NTSR1: variants seen among roughly 807,000 people sequenced by gnomAD.
The protein encoded by NTSR1 is neurotensin receptor 1, also known as neurotensin receptor type 1.
Under a neutral mutation model 31.2 loss-of-function variants are expected in NTSR1, and 29 were observed. The observed-to-expected ratio is 0.93, with a 90% confidence interval of 0.69 to 1.27. NTSR1 has a LOEUF of 1.27. NTSR1 is among the 50% of genes most tolerant of loss of function. NTSR1 has a pLI of 0.00. For missense variants in NTSR1, 697 were observed against 595.4 expected (o/e 1.17, Z -1.78); for synonymous variants, 282 against 269.9 (o/e 1.04, Z -0.44).
chr20:62,709,635 GCTA>G lies in NTSR1; in HGVS notation c.434_436del (p.Tyr145del), dbSNP rs773608941. ...GCCTTCGGCGACGCCGGCTGCCGCG[GCTA>G]CTACTTCCTGCGCGACGCCTGCACC... On this transcript the variant is annotated inframe_deletion, in exon 1 of 4. Transcript: ENST00000370501. 134 of 1,612,206 alleles carry G rather than the reference GCTA, an allele frequency of 8.3e-5. No homozygotes were observed. Among genetic ancestry groups the G allele is most frequent in the Admixed American group, 5.0e-5 (3 of 60,004 alleles).
At position 62,744,224 on chromosome 20, in the gene NTSR1, G is replaced by A. The variant is rs11907465; in HGVS notation, c.715-10461G>A. Among the ~76,000 whole-genome samples the A allele has an allele frequency of 0.11, 16,456 of 152,148 alleles. 2,032 individuals are homozygous for A. The highest frequency in any genetic ancestry group is 0.32 in the East Asian group (1,675 of 5,166). Reference sequence around the variant, plus strand: ...CAAGGGAGCACAGTCAGTGCTCCAGGAACTGAGGCAGCACCTCTAGGCTCG... The same window carrying A: ...CAAGGGAGCACAGTCAGTGCTCCAGAAACTGAGGCAGCACCTCTAGGCTCG... On this transcript the variant is annotated intron_variant, in intron 1 of 3. Transcript: ENST00000370501. This position sits in a 1 kb window ranked among gnomAD's most constrained non-coding sequence, Gnocchi z 4.1.
intron 1 of NTSR1, among the ~76,000 whole-genome samples, chr20:62,728,509 T>C (rs1171158767): frequency 1.3e-5 from 2 of 152,212 alleles, no homozygotes; most frequent in East Asian, 3.9e-4. Context: ...TTTCTAAAAA[T>C]GGCAGAAGTT....
At chr20:62,759,268 G>A (rs1177357003) in intron 3 of NTSR1, among the ~76,000 whole-genome samples, 3 of 152,198 alleles carry the variant, frequency 2.0e-5, no homozygotes, top group Non-Finnish European at 4.4e-5. Flanking sequence ...GCTGCCTGGT[G>A]AGGGAGTGAG....
chr20:62,755,208 CAT>C (rs1989466633), intron 2 of NTSR1, among the ~76,000 whole-genome samples: 1 of 139,644 alleles, frequency 7.2e-6, no homozygotes, highest in Non-Finnish European at 1.6e-5. Flanking sequence ...TCCCTCCCTC[CAT>C]CCATCCATCC....
chr20:62,741,912 C>A lies in NTSR1; in HGVS notation c.715-12773C>A, dbSNP rs1192403632. On this transcript the variant is annotated intron_variant, in intron 1 of 3. Transcript: ENST00000370501. This position sits in a 1 kb window ranked among gnomAD's most constrained non-coding sequence, Gnocchi z 4.3. ...TGGGATCAGGCCCCTGGGTTCACAA[C>A]TGTGCCTGGGTTTCTTTATCTACAA... 6.8e-6 allele frequency among the ~76,000 whole-genome samples: 1 copy of A among 146,228 alleles called. No individual in the cohort carries two copies. Among genetic ancestry groups the A allele is most frequent in the Non-Finnish European group, 1.5e-5 (1 of 67,996 alleles).
chr20:62,710,700 A>T (rs1212425467), intron 1 of NTSR1, among the ~76,000 whole-genome samples: 1 of 152,116 alleles, frequency 6.6e-6, no homozygotes, highest in African/African-American at 2.4e-5. Context: ...CCCCTTGGGA[A>T]TCAGTTTGGC....
At chr20:62,726,440 C>T (rs1171743532) in intron 1 of NTSR1, among the ~76,000 whole-genome samples, 1 of 152,144 alleles carries the variant, frequency 6.6e-6, no homozygotes, top group African/African-American at 2.4e-5. Flanking sequence ...AGAAAGGAAA[C>T]CCAAGAGGCA....
rs117476997 is a variant in NTSR1 at position 62,753,999 on chromosome 20, G to A, written c.715-686G>A. Among the ~76,000 whole-genome samples the A allele has an allele frequency of 8.1e-3, 1,241 of 152,316 alleles. 17 individuals are homozygous for A. Among genetic ancestry groups the A allele is most frequent in the South Asian group, 0.039 (187 of 4,824 alleles). ...CAAATCCAGGCACAGCCCCCCTTGC[G>A]CTGGAGTCTTTGGGCAGGACCTCTA... On this transcript the variant is annotated intron_variant, in intron 1 of 3. Coordinates refer to ENST00000370501, the MANE Select transcript of NTSR1 (RefSeq NM_002531.3).
chr20:62,742,991 A>AG lies in NTSR1; in HGVS notation c.715-11692dup, dbSNP rs902516275. On this transcript the variant is annotated intron_variant, in intron 1 of 3. Transcript: ENST00000370501. This position sits in a 1 kb window ranked among gnomAD's most constrained non-coding sequence, Gnocchi z 7.1. ...TCTCTGAGTTTAGCTTTGTTTGTGT[A>AG]GGTAGTTCACTGTGGGAGTCTAGCT... Among the ~76,000 whole-genome samples the AG allele has an allele frequency of 6.7e-5, 10 of 149,530 alleles. 1 individual carries two copies. Among genetic ancestry groups the AG allele is most frequent in the African/African-American group, 2.5e-4 (10 of 40,016 alleles).
rs377415240 is a variant in NTSR1, at chr20:62,754,783, C to T, written c.813C>T (p.Ala271=). 36 of 1,611,972 alleles carry T rather than the reference C, an allele frequency of 2.2e-5. No homozygotes were observed. The highest frequency in any genetic ancestry group is 1.7e-4 in the African/African-American group (13 of 74,878). ...TGACCGTCATGGTACGCCAGGCGGC[C>T]GAGCAGGGCCAAGTGTGCACGGTCG... ...NKLTVMVRQA[A]EQGQVCTVGG... The change falls in exon 2 of 4, where the codon GCC becomes GCT. Residue 271 remains alanine, a synonymous_variant. Coordinates refer to ENST00000370501, the MANE Select transcript of NTSR1 (RefSeq NM_002531.3).
chr20:62,727,540 T>A (rs1442284833), intron 1 of NTSR1, among the ~76,000 whole-genome samples: 2 of 151,880 alleles, frequency 1.3e-5, no homozygotes, highest in Non-Finnish European at 2.9e-5. Flanking sequence ...CTAAGGAGAG[T>A]CCGCTGTGGT....
chr20:62,729,230 C>T (rs1988962734), intron 1 of NTSR1, among the ~76,000 whole-genome samples: 1 of 152,232 alleles, frequency 6.6e-6, no homozygotes, highest in African/African-American at 2.4e-5. Flanking sequence ...CTCCTCCCAA[C>T]TTGGGGGCTC....
chr20:62,746,083 G>T (rs3787526), intron 1 of NTSR1, among the ~76,000 whole-genome samples: 1 of 152,082 alleles, frequency 6.6e-6, no homozygotes, highest in Admixed American at 6.5e-5. Context: ...AGGGACGGGG[G>T]CCACACTAGC....
chr20:62,734,235 G>C lies in NTSR1; in HGVS notation c.715-20450G>C, dbSNP rs1286113187. On this transcript the variant is annotated intron_variant, in intron 1 of 3. Coordinates refer to ENST00000370501, the MANE Select transcript of NTSR1 (RefSeq NM_002531.3). ...AGAGATGGGGCGTGAGGGGCGGGCG[G>C]AGGCAGCGAGGTCTGGGATGAGAGC... is the stretch of plus-strand genomic sequence containing the variant. 2.6e-5 allele frequency among the ~76,000 whole-genome samples: 4 copies of C among 152,028 alleles called. No homozygotes were observed. In the East Asian group the frequency reaches 7.7e-4, roughly 29 times the overall value.
intron 1 of NTSR1, among the ~76,000 whole-genome samples, chr20:62,750,027 C>T (rs1022879318): frequency 2.0e-5 from 3 of 152,224 alleles, no homozygotes; most frequent in East Asian, 1.9e-4. Context: ...TGTTCACAAT[C>T]GCCAAGACAC....
intron 1 of NTSR1, among the ~76,000 whole-genome samples, chr20:62,751,087 G>A (rs1386954462): frequency 6.6e-6 from 1 of 152,064 alleles, no homozygotes; most frequent in Non-Finnish European, 1.5e-5. Flanking sequence ...GTGTTGCCCA[G>A]ACTGGTCTCA....
chr20:62,723,500 C>T (rs969431026), intron 1 of NTSR1, among the ~76,000 whole-genome samples: 2 of 152,192 alleles, frequency 1.3e-5, no homozygotes, highest in Non-Finnish European at 2.9e-5. Context: ...GCGTGCCCAG[C>T]AGGATGTGCA....
At chr20:62,756,860 A>T (rs1159649025) in intron 2 of NTSR1, 1 of 152,266 alleles carries the variant, frequency 6.6e-6, no homozygotes, top group East Asian at 1.9e-4. Flanking sequence ...GATTAATAAC[A>T]TCTTTCATGT....
intron 1 of NTSR1, among the ~76,000 whole-genome samples, chr20:62,736,821 G>A (rs902957980): frequency 2.6e-5 from 4 of 152,244 alleles, no homozygotes; most frequent in Non-Finnish European, 4.4e-5. Flanking sequence ...ATAATGCCCC[G>A]TGTCAAGGGC....
Sources: allele counts gnomAD v4.1 joint callset (sites outside exome capture counted in the v4.1 genomes callset), GRCh38; gene constraint gnomAD v4.1.1; non-coding constraint Gnocchi (gnomAD v3.1); transcripts MANE v1.5; gene names NCBI Gene and HGNC (gene_info 2026-07-23, HGNC 2026-07-21).